Variants in DCP2 observed in about 807,000 individuals in gnomAD.
DCP2 encodes the protein decapping mRNA 2.
DCP2 carries 30 observed loss-of-function variants against 56.1 expected under a neutral mutation model. That is an observed-to-expected ratio of 0.53 (90% CI 0.40 to 0.73). The LOEUF is 0.73. DCP2 is among the 30% of genes least tolerant of loss of function. The probability of loss-of-function intolerance (pLI) is 0.00; values close to 1 mark genes in which losing one functional copy is unlikely to be tolerated. For synonymous variants in DCP2, 197 were observed against 163.3 expected, an observed-to-expected ratio of 1.21 and a Z score of -1.57; for missense variants, 533 against 502.7, an observed-to-expected ratio of 1.06 and a Z score of -0.58.
intron 2 of DCP2, among the ~76,000 whole-genome samples, chr5:112,987,473 G>T (rs900148984): frequency 2.6e-5 from 4 of 151,970 alleles, no homozygotes; most frequent in African/African-American, 9.7e-5. Context: ...CCGACAAACC[G>T]AGACAGCCTC....
intron 8 of DCP2, among the ~76,000 whole-genome samples, chr5:113,006,152 C>T (rs1749424238): frequency 6.6e-6 from 1 of 150,902 alleles, no homozygotes; most frequent in Non-Finnish European, 1.5e-5. Flanking sequence ...TCGAAGCATG[C>T]TACAATATGG....
At position 113,018,086 on chromosome 5, in the gene DCP2, AC is replaced by A. The variant is rs1456637880; in HGVS notation, c.*4603del. ...GCCATAATCTGCTTTGGTGTCAGTC[AC>A]ATCACAGTGGTTATACATTTGTCCT... On this transcript the variant is annotated 3_prime_UTR_variant, in exon 11 of 11. Transcript: ENST00000389063. The A allele has an allele frequency of 6.6e-6, 1 of 152,264 alleles. No individual in the cohort carries two copies. The highest frequency in any genetic ancestry group is 1.5e-5 in the Non-Finnish European group (1 of 68,054). The allele number at this position is 152,264 out of a possible 1,614,324, so 9.4% of individuals were successfully genotyped here.
intron 3 of DCP2, 53 bp from the exon 4 acceptor site, chr5:112,992,619 A>G (rs977887486): frequency 1.0e-5 from 13 of 1,276,194 alleles, no homozygotes; most frequent in South Asian, 1.3e-5. Context: ...ATTTTTAGAA[A>G]GGAGCATGGA....
chr5:113,013,276 T>C, intron 10 of DCP2, 45 bp from the exon 11 acceptor site: 1 of 1,569,002 alleles, frequency 6.4e-7, no homozygotes, highest in Non-Finnish European at 8.6e-7. Flanking sequence ...TTTGATTTCT[T>C]ACTAAGGTTA....
Position 113,014,646 on chromosome 5 carries a change from G to C in DCP2, c.*1162G>C, listed in dbSNP as rs1727428571. On this transcript the variant is annotated 3_prime_UTR_variant, in exon 11 of 11. Coordinates refer to ENST00000389063, the MANE Select transcript of DCP2 (RefSeq NM_152624.6). ...AGGATGGCAGTGCCCATTTTAAGGA[G>C]GATTTCAGCTATAACTGAGGACAAT... is the stretch of plus-strand genomic sequence containing the variant. The C allele has an allele frequency of 6.6e-6, 1 of 152,594 alleles. No homozygotes were observed. The highest frequency in any genetic ancestry group is 2.1e-4 in the South Asian group (1 of 4,830). The allele number at this position is 152,594 out of a possible 1,614,324, so 9.5% of individuals were successfully genotyped here. A position where few individuals can be genotyped will look rare whatever the true frequency, so the allele number is the denominator to read the frequency against.
chr5:113,004,960 C>T (rs915821411), intron 8 of DCP2, among the ~76,000 whole-genome samples: 4 of 151,738 alleles, frequency 2.6e-5, no homozygotes, highest in Non-Finnish European at 5.9e-5. Context: ...CCCGTCTTTA[C>T]TAAAAATACA....
At chr5:112,985,630 A>T (rs1195057369) in intron 1 of DCP2, among the ~76,000 whole-genome samples, 1 of 152,200 alleles carries the variant, frequency 6.6e-6, no homozygotes, top group Non-Finnish European at 1.5e-5. Context: ...AACAAACTGT[A>T]TTAAAAGTGA....
chr5:112,987,793 C>CT (rs796648691), intron 2 of DCP2, among the ~76,000 whole-genome samples: 2,239 of 148,778 alleles, frequency 0.015, 55 homozygotes, highest in African/African-American at 0.051. Context: ...TTCCATAGGT[C>CT]TTTTTTTTTT....
chr5:113,008,003 A>C lies in DCP2; in HGVS notation c.1008A>C (p.Thr336=). The part of the protein sequence containing the change: ...YQDSPNQKKR[T]NGLQPAKQQN... ...ATTCACCTAATCAAAAGAAAAGAAC[A>C]AATGGGCTTCAGCCAGCAAAGCAGC... The change falls in exon 9 of 11, where the codon ACA becomes ACC. Residue 336 remains threonine, a synonymous_variant. Transcript: ENST00000389063. 1 of 1,614,098 alleles carries C rather than the reference A, an allele frequency of 6.2e-7. No individual in the cohort carries two copies. The highest frequency in any genetic ancestry group is 8.5e-7 in the Non-Finnish European group (1 of 1,179,964).
intron 9 of DCP2, among the ~76,000 whole-genome samples, chr5:113,008,942 C>G (rs1049092656): frequency 1.3e-5 from 2 of 151,838 alleles, no homozygotes; most frequent in Non-Finnish European, 2.9e-5. Context: ...TTCCCGGGTT[C>G]AAGTGATTCC....
intron 1 of DCP2, chr5:112,984,703 A>AATATATATATATATATATATATATAT (rs57159758): frequency 4.8e-4 from 31 of 64,842 alleles, no homozygotes; most frequent in Non-Finnish European, 6.2e-4. Flanking sequence ...AAAAAAAAAA[A>AATATATATATATATATATATATATAT]ATATATATAT....
At chr5:113,011,624 A>G (rs183823840) in intron 10 of DCP2, among the ~76,000 whole-genome samples, 1 of 152,342 alleles carries the variant, frequency 6.6e-6, no homozygotes, top group Non-Finnish European at 1.5e-5. Context: ...AAGCAAGATA[A>G]TGCTATTTTG....
At chr5:112,988,728 C>T (rs1338693530) in intron 2 of DCP2, among the ~76,000 whole-genome samples, 2 of 152,072 alleles carry the variant, frequency 1.3e-5, no homozygotes, top group African/African-American at 4.8e-5. Context: ...TTGTTAAAGG[C>T]CTTGGTGATA....
intron 2 of DCP2, among the ~76,000 whole-genome samples, chr5:112,990,218 A>G (rs1244793566): frequency 6.6e-6 from 1 of 152,204 alleles, no homozygotes; most frequent in African/African-American, 2.4e-5. Flanking sequence ...TGATAAGAGC[A>G]TACGTTCTCG....
intron 3 of DCP2, 70 bp downstream of exon 3, chr5:112,992,318 ATGTAG>A: frequency 6.5e-7 from 1 of 1,539,044 alleles, no homozygotes; most frequent in Non-Finnish European, 8.7e-7. Flanking sequence ...TTTGTTATTG[ATGTAG>A]TGTTTCTAAA....
In DCP2 at chr5:113,015,044, A is replaced by T. The variant is rs1308467278; in HGVS notation, c.*1560A>T. On this transcript the variant is annotated 3_prime_UTR_variant, in exon 11 of 11. Transcript: ENST00000389063. Reference sequence around the variant, plus strand: ...TTGGTGCTAAGCAGGAGAATTCACAATTAAAGCAGTGTGTATAGAATTATG... The same window carrying T: ...TTGGTGCTAAGCAGGAGAATTCACATTTAAAGCAGTGTGTATAGAATTATG... 2 of 152,098 alleles carry T rather than the reference A, an allele frequency of 1.3e-5. No homozygotes were observed. Among genetic ancestry groups the T allele is most frequent in the African/African-American group, 4.8e-5 (2 of 41,258 alleles). 9.4% of individuals were successfully genotyped at this position (152,098 alleles called of 1,614,324 possible).
intron 1 of DCP2, chr5:112,984,702 AAATAT>A (rs1228216961): frequency 4.7e-5 from 5 of 107,238 alleles, no homozygotes; most frequent in South Asian, 3.1e-4. Context: ...AAAAAAAAAA[AAATAT>A]ATATATATAT....
At chr5:112,978,564 C>T (rs1747838892) in intron 1 of DCP2, among the ~76,000 whole-genome samples, 1 of 151,940 alleles carries the variant, frequency 6.6e-6, no homozygotes, top group Non-Finnish European at 1.5e-5. Flanking sequence ...AGTAAATAGC[C>T]TAATTTTGCA....
rs1056348665 is a variant in DCP2 at position 113,016,883 on chromosome 5, C to T, written c.*3399C>T. 10 of 145,920 alleles carry T rather than the reference C, an allele frequency of 6.9e-5. No homozygotes were observed. In the East Asian group the frequency reaches 1.6e-3, roughly 23 times the overall value. 9.0% of individuals were successfully genotyped at this position (145,920 alleles called of 1,614,324 possible). On this transcript the variant is annotated 3_prime_UTR_variant, in exon 11 of 11. Transcript: ENST00000389063. ...TGAGATGGAGTTTCACTCCTGTTGCCCAGGCTGGAGTGCAATGGTGCAATT... is the reference window on the plus strand; with the variant it reads ...TGAGATGGAGTTTCACTCCTGTTGCTCAGGCTGGAGTGCAATGGTGCAATT...
Sources: allele counts gnomAD v4.1 joint callset (sites outside exome capture counted in the v4.1 genomes callset), GRCh38; gene constraint gnomAD v4.1.1; transcripts MANE v1.5; gene names NCBI Gene and HGNC (gene_info 2026-07-23, HGNC 2026-07-21).